TULP4: variants seen among roughly 807,000 people sequenced by gnomAD.
TULP4 encodes TUB like protein 4.
In TULP4, 16 loss-of-function variants were observed where a neutral mutation model predicts 129.0. The observed-to-expected ratio is 0.12, with a 90% confidence interval of 0.08 to 0.19. The LOEUF is 0.19. TULP4 is among the 10% of genes least tolerant of loss of function. The probability of loss-of-function intolerance (pLI) is 1.00; values close to 1 mark genes in which losing one functional copy is unlikely to be tolerated. For synonymous variants in TULP4, 998 were observed against 854.0 expected (o/e 1.17, Z -2.94); for missense variants, 1,842 against 2,059.1 (o/e 0.89, Z 2.04).
rs576365695 is a variant in TULP4, at chr6:158,420,852, T to C, written c.381+7659T>C. The stretch of plus-strand genomic sequence containing the variant: ...ACAGAATATGTTTAATAGACATTTA[T>C]AAAATCCTAGATCTAAATTATAATG... On this transcript the variant is annotated intron_variant, in intron 2 of 13. Transcript: ENST00000367097. Among the ~76,000 whole-genome samples the C allele has an allele frequency of 3.9e-5, 6 of 152,306 alleles. No individual in the cohort carries two copies. The South Asian group carries it at 1.0e-3, about 26-fold the overall frequency.
chr6:158,413,724 C>T lies in TULP4; in HGVS notation c.381+531C>T, dbSNP rs1038161782. On this transcript the variant is annotated intron_variant, in intron 2 of 13. Transcript: ENST00000367097. This position sits in a 1 kb window ranked among gnomAD's most constrained non-coding sequence, Gnocchi z 4.9. ...CTCTGCTCTCAGGAAACAGTTGCACCCAGGACAGCCTGCTGAGCTGCGCTG... is the reference window on the plus strand; with the variant it reads ...CTCTGCTCTCAGGAAACAGTTGCACTCAGGACAGCCTGCTGAGCTGCGCTG... Among the ~76,000 whole-genome samples the T allele has an allele frequency of 9.4e-6, 1 of 106,488 alleles. No individual in the cohort carries two copies. The highest frequency in any genetic ancestry group is 1.3e-4 in the Admixed American group (1 of 7,492). 69.9% of individuals were successfully genotyped at this position (106,488 alleles called of 152,430 possible).
At chr6:158,278,206 C>T (rs1392913962), upstream of TULP4, among the ~76,000 whole-genome samples, 1 of 152,182 alleles carries the variant, frequency 6.6e-6, no homozygotes, top group Non-Finnish European at 1.5e-5. Flanking sequence ...AGTGTAAGGT[C>T]TGTGTTTTCA....
chr6:158,261,282 T>C (rs541147632), intron 1 of TULP4, among the ~76,000 whole-genome samples: 1 of 152,366 alleles, frequency 6.6e-6, no homozygotes, highest in South Asian at 2.1e-4. Flanking sequence ...TTTTGTTTAA[T>C]TGTACTTAAT....
chr6:158,383,838 C>T (rs1777380089), intron 1 of TULP4, among the ~76,000 whole-genome samples: 1 of 152,234 alleles, frequency 6.6e-6, no homozygotes, highest in African/African-American at 2.4e-5. Context: ...TAAATGATGA[C>T]TTTCAGCAGG....
chr6:158,468,832 C>CT (rs1562579389), intron 6 of TULP4, among the ~76,000 whole-genome samples: 1 of 152,192 alleles, frequency 6.6e-6, no homozygotes, highest in African/African-American at 2.4e-5. Flanking sequence ...CCTGTGTCCT[C>CT]ACATGGTAGA....
intron 1 of TULP4, among the ~76,000 whole-genome samples, chr6:158,374,564 C>T (rs970192827): frequency 2.6e-5 from 4 of 152,216 alleles, no homozygotes; most frequent in Non-Finnish European, 5.9e-5. Context: ...TTAGGCAACA[C>T]AGCTTATTCC....
intron 5 of TULP4, among the ~76,000 whole-genome samples, chr6:158,454,885 C>T (rs1479454221): frequency 6.6e-6 from 1 of 151,882 alleles, no homozygotes; most frequent in African/African-American, 2.4e-5. Flanking sequence ...GGATTACAGG[C>T]GTGAGCCACC....
Position 158,243,849 on chromosome 6 carries a change from TGTGTG to T in TULP4, n.68+11547_68+11551del, listed in dbSNP as rs1052579791. On this transcript the variant is annotated intron_variant and non_coding_transcript_variant, in intron 1 of 1. Coordinates refer to the TULP4 transcript ENST00000620026. ...TCATTTAGTTATTAGCTGAAATAGG[TGTGTG>T]TGTGTGTGTGTGTGTGTGTGTGTGT... 6.4e-4 allele frequency among the ~76,000 whole-genome samples: 27 copies of T among 42,116 alleles called. No homozygotes were observed. In the East Asian group the frequency reaches 9.0e-3, roughly 14 times the overall value. The allele number at this position is 42,116 out of a possible 152,430, so 27.6% of individuals were successfully genotyped here.
chr6:158,344,614 T>G (rs1381619869), intron 1 of TULP4, among the ~76,000 whole-genome samples: 1 of 152,226 alleles, frequency 6.6e-6, no homozygotes, highest in Non-Finnish European at 1.5e-5. Flanking sequence ...TATAAGACAG[T>G]GATCTTAGTA....
rs1780947695 is a variant in TULP4 at position 158,365,987 on chromosome 6, GCA to G, written c.253-47076_253-47075del. On this transcript the variant is annotated intron_variant, in intron 1 of 13. Coordinates refer to ENST00000367097, the MANE Select transcript of TULP4 (RefSeq NM_020245.5). ...GCGCCATCTCGGCTCACTGCAAGCT[GCA>G]CCTCCCAGGTTCATGCCATTCTCCT... Among the ~76,000 whole-genome samples, 11 of 127,772 alleles carry G rather than the reference GCA, an allele frequency of 8.6e-5. No homozygotes were observed. In the Admixed American group the frequency reaches 9.5e-4, roughly 11 times the overall value. The allele number at this position is 127,772 out of a possible 152,430, so 83.8% of individuals were successfully genotyped here.
chr6:158,240,456 C>T (rs879117302), intron 1 of TULP4, among the ~76,000 whole-genome samples: 2 of 83,984 alleles, frequency 2.4e-5, no homozygotes, highest in African/African-American at 3.9e-5. Flanking sequence ...GACGGGGCGG[C>T]TGGCTGGGCG....
rs1352900438 is a variant in TULP4 at position 158,508,598 on chromosome 6, CTTTT to C, written c.*1905_*1908del. ...TTCAGCAATGTTATCAGAATTAATT[CTTTT>C]ATATGAGTTTATGTAGCTTGATATG... On this transcript the variant is annotated 3_prime_UTR_variant, in exon 14 of 14. Coordinates refer to ENST00000367097, the MANE Select transcript of TULP4 (RefSeq NM_020245.5). 6.6e-6 allele frequency: 1 copy of C among 152,516 alleles called. No homozygotes were observed. The highest frequency in any genetic ancestry group is 1.5e-5 in the Non-Finnish European group (1 of 68,018). The allele number at this position is 152,516 out of a possible 1,614,324, so 9.4% of individuals were successfully genotyped here. A position where few individuals can be genotyped will look rare whatever the true frequency, so the allele number is the denominator to read the frequency against.
chr6:158,397,175 G>A (rs1008232326), intron 1 of TULP4, among the ~76,000 whole-genome samples: 1 of 152,220 alleles, frequency 6.6e-6, no homozygotes, highest in Non-Finnish European at 1.5e-5. Context: ...AAACTCCCTT[G>A]AGTGAGGGGC....
At chr6:158,306,875 C>T (rs1241594125) in intron 1 of TULP4, among the ~76,000 whole-genome samples, 2 of 152,056 alleles carry the variant, frequency 1.3e-5, no homozygotes, top group Non-Finnish European at 2.9e-5. Context: ...CAAAAGTTAA[C>T]TGGATGTGGT....
intron 1 of TULP4, among the ~76,000 whole-genome samples, chr6:158,241,012 G>A (rs867679616): frequency 3.0e-5 from 4 of 134,996 alleles, no homozygotes; most frequent in East Asian, 5.1e-4. Context: ...CAGGCAGAGG[G>A]TCTCCTCACT....
rs1237730449 is a variant in TULP4 at position 158,479,851 on chromosome 6, G to C, written c.1127G>C (p.Ser376Thr). ...YVVRVEHRVS[S>T]LQLLCQQAIA... is the part of the protein sequence containing the mutation. ...GTGCGTGTGGAGCACCGGGTGTCCA[G>C]CCTGCAGCTGCTGTGCCAGCAGGCC... Residue 376 changes from serine (S) to threonine (T), a missense_variant, in exon 7 of 14, where the codon AGC becomes ACC. By Grantham distance (58) the Ser-to-Thr change is moderately conservative (BLOSUM62 1). Transcript: ENST00000367097. 2.5e-6 allele frequency: 4 copies of C among 1,613,966 alleles called. No homozygotes were observed. The highest frequency in any genetic ancestry group is 3.4e-6 in the Non-Finnish European group (4 of 1,180,028).
At chr6:158,467,411 C>G (rs1779578263) in intron 6 of TULP4, among the ~76,000 whole-genome samples, 1 of 151,958 alleles carries the variant, frequency 6.6e-6, no homozygotes, top group Non-Finnish European at 1.5e-5. Context: ...TCCCGAGTAG[C>G]TGGTATTACA....
upstream of TULP4, among the ~76,000 whole-genome samples, chr6:158,309,403 C>T (rs537252801): frequency 1.1e-3 from 154 of 146,544 alleles, no homozygotes; most frequent in Non-Finnish European, 1.9e-3. Context: ...CCTCACTTTC[C>T]AGACTGGGCA....
chr6:158,256,864 G>T (rs905413956), intron 1 of TULP4, among the ~76,000 whole-genome samples: 5 of 152,114 alleles, frequency 3.3e-5, no homozygotes, highest in African/African-American at 1.2e-4. Context: ...GATTTTAGTT[G>T]TGTTTGGGAG....
Sources: gnomAD v4.1 joint callset for allele counts (sites outside exome capture counted in the v4.1 genomes callset) on GRCh38, gnomAD v4.1.1 for gene constraint, Gnocchi (gnomAD v3.1) non-coding constraint, MANE v1.5 for transcripts, NCBI Gene and HGNC (gene_info 2026-07-23, HGNC 2026-07-21) for gene names.